Variants in OVCH1 observed in about 807,000 individuals in gnomAD.
The protein encoded by OVCH1 is ovochymase-1.
OVCH1 carries 139 observed loss-of-function variants against 138.4 expected under a neutral mutation model. The observed-to-expected ratio is 1.00, with a 90% CI of 0.87 to 1.16. The LOEUF (loss-of-function observed/expected upper bound fraction) is 1.16. OVCH1 is among the 50% of genes most tolerant of loss of function. The probability of loss-of-function intolerance (pLI) is 0.00; values close to 1 mark genes in which losing one functional copy is unlikely to be tolerated. For synonymous variants in OVCH1, 453 were observed against 467.8 expected (o/e 0.97, Z 0.41); for missense variants, 1,367 against 1,357.9 (o/e 1.01, Z -0.11).
At chr12:29,435,683 TAGC>T (rs1168826532) in intron 26 of OVCH1, among the ~76,000 whole-genome samples, 1 of 152,082 alleles carries the variant, frequency 6.6e-6, no homozygotes, top group East Asian at 1.9e-4. Context: ...GTATTGGTAA[TAGC>T]AGTTTCCTTC....
downstream of OVCH1, among the ~76,000 whole-genome samples, chr12:29,426,848 A>G (rs907119335): frequency 9.2e-5 from 14 of 152,238 alleles, no homozygotes; most frequent in Admixed American, 4.6e-4. Context: ...TTGCTGTCCA[A>G]TATGGTAGTC....
In OVCH1 at chr12:29,450,883, G is replaced by A. The variant is rs187955931; in HGVS notation, c.2755+462C>T. Among the ~76,000 whole-genome samples the A allele has an allele frequency of 2.8e-4, 42 of 152,072 alleles. No individual in the cohort carries two copies. The East Asian group carries it at 5.6e-3, about 20-fold the overall frequency. On this transcript the variant is annotated intron_variant, in intron 22 of 27. Coordinates refer to ENST00000318184, the Ensembl canonical transcript of OVCH1. ...CCTTTACAGGGACATGGATGAAGCC[G>A]GAAACCATAATTCTCAGCAAGCTAA...
intron 19 of OVCH1, among the ~76,000 whole-genome samples, chr12:29,461,389 T>G (rs1379831650): frequency 6.6e-6 from 1 of 152,254 alleles, no homozygotes; most frequent in African/African-American, 2.4e-5. Context: ...ATATCAAGCT[T>G]GTACAATAGA....
At chr12:29,436,585 C>T (rs1020710972) in intron 26 of OVCH1, among the ~76,000 whole-genome samples, 14 of 152,128 alleles carry the variant, frequency 9.2e-5, no homozygotes, top group Admixed American at 4.6e-4. Context: ...ACATTTGCGG[C>T]GAGTGTTACA....
chr12:29,425,242 G>A (rs577969449), downstream of OVCH1, among the ~76,000 whole-genome samples: 3 of 152,250 alleles, frequency 2.0e-5, no homozygotes, highest in South Asian at 4.1e-4. Context: ...TGGTTCCACC[G>A]AGTACGGTAT....
At chr12:29,485,712 G>C (rs892312179) in intron 8 of OVCH1, among the ~76,000 whole-genome samples, 1 of 151,770 alleles carries the variant, frequency 6.6e-6, no homozygotes. Context: ...GAAGGCGGAG[G>C]TTGCAGTGAG....
chr12:29,413,769 G>C (rs1292436188), intron 3 of OVCH1, among the ~76,000 whole-genome samples: 2 of 151,914 alleles, frequency 1.3e-5, no homozygotes, highest in Non-Finnish European at 2.9e-5. Flanking sequence ...CTGCTATCCT[G>C]GATCATTTAT....
At chr12:29,451,606 T>G (rs762043801) in intron 21 of OVCH1, 37 bp from the exon 22 acceptor site, 1 of 1,509,646 alleles carries the variant, frequency 6.6e-7, no homozygotes. Flanking sequence ...GGGACCAACA[T>G]AAATAAAGCA....
chr12:29,446,123 T>C (rs1230192136), intron 22 of OVCH1, among the ~76,000 whole-genome samples: 3 of 152,120 alleles, frequency 2.0e-5, no homozygotes, highest in African/African-American at 7.2e-5. Flanking sequence ...ATATATTTTA[T>C]CTTATTATGT....
chr12:29,475,269 TTCTAA>T (rs1462920509), intron 13 of OVCH1, 80 bp from the exon 14 acceptor site: 14 of 1,178,476 alleles, frequency 1.2e-5, no homozygotes, highest in Non-Finnish European at 1.2e-5. Context: ...TCACCCAATT[TTCTAA>T]TCAACTACTT....
intron 19 of OVCH1, among the ~76,000 whole-genome samples, chr12:29,457,589 G>A (rs1284444239): frequency 6.6e-6 from 1 of 151,612 alleles, no homozygotes; most frequent in Non-Finnish European, 1.5e-5. Context: ...ATTTTTAGTA[G>A]AGACAGGGTT....
chr12:29,495,391 T>C (rs1053789370), exon 4 of OVCH1: 3 of 1,613,516 alleles, frequency 1.9e-6, no homozygotes, highest in Middle Eastern at 1.7e-4. Context: ...GAATATTCTG[T>C]TCTTGCTTAT....
At chr12:29,496,561 A>G (rs1286453931) in exon 2 of OVCH1, 3 of 1,600,066 alleles carry the variant, frequency 1.9e-6, no homozygotes, top group East Asian at 4.5e-5. Context: ...CTGACCTGCC[A>G]TGGATGTCCA....
downstream of OVCH1, among the ~76,000 whole-genome samples, chr12:29,410,340 G>T (rs1055878211): frequency 5.3e-5 from 8 of 151,156 alleles, no homozygotes; most frequent in African/African-American, 1.9e-4. Flanking sequence ...GTGTGAATTT[G>T]ATCCTGTCAT....
At chr12:29,465,087 C>T in intron 17 of OVCH1, 60 bp downstream of exon 17, 2 of 1,410,482 alleles carry the variant, frequency 1.4e-6, no homozygotes, top group Non-Finnish European at 2.0e-6. Flanking sequence ...TAAAGGTATT[C>T]CTTGGCATGT....
intron 12 of OVCH1, 126 bp downstream of exon 12, chr12:29,476,976 A>T: frequency 8.4e-7 from 1 of 1,184,188 alleles, no homozygotes; most frequent in South Asian, 2.0e-5. Context: ...AGAGTAAAAA[A>T]AAATGGCAAA....
chr12:29,428,350 GCTCTAC>G (rs1373450134), intron 27 of OVCH1, among the ~76,000 whole-genome samples: 2 of 152,078 alleles, frequency 1.3e-5, no homozygotes. Context: ...ATTACCCAAA[GCTCTAC>G]CTCTATTATA....
At chr12:29,496,049 T>A in intron 3 of OVCH1, 132 bp downstream of exon 3, 2 of 721,834 alleles carry the variant, frequency 2.8e-6, no homozygotes, top group Non-Finnish European at 4.6e-6. Context: ...ATCAGGAAGA[T>A]CAGTGGGTGG....
chr12:29,439,467 CAAACAAAAAACAAAAAGCAAA>C, intron 25 of OVCH1: 2 of 1,344,108 alleles, frequency 1.5e-6, no homozygotes, highest in Non-Finnish European at 9.7e-7. Context: ...AACAAACAAA[CAAACAAAAAACAAAAAGCAAA>C]AAACAAAAAA....
Sources: allele counts gnomAD v4.1 joint callset (sites outside exome capture counted in the v4.1 genomes callset), GRCh38; gene constraint gnomAD v4.1.1; transcripts MANE v1.5; gene names NCBI Gene and HGNC (gene_info 2026-07-23, HGNC 2026-07-21).